UBE2F: variants seen among roughly 807,000 people sequenced by gnomAD.
The protein encoded by UBE2F is ubiquitin conjugating enzyme E2 F (putative).
In UBE2F, 5 loss-of-function variants were observed where a neutral mutation model predicts 29.6. That is an observed-to-expected ratio of 0.17 (90% confidence interval 0.09 to 0.36). The LOEUF is 0.36. Among genes scored for constraint, UBE2F ranks in the 10% least tolerant of loss-of-function variants. The pLI, the probability that UBE2F is intolerant of heterozygous loss-of-function variation, is 1.00. For missense variants in UBE2F, 141 were observed against 228.5 expected (o/e 0.62, Z 2.47); for synonymous variants, 66 against 81.8 (o/e 0.81, Z 1.04).
intron 4 of UBE2F, among the ~76,000 whole-genome samples, chr2:238,001,033 CTT>C (rs371184007): frequency 2.7e-5 from 3 of 111,820 alleles, no homozygotes; most frequent in South Asian, 2.8e-4. Context: ...AGAGTTTTGC[CTT>C]TTTTTTTTTT....
chr2:237,980,108 T>C (rs1159145669), intron 2 of UBE2F, among the ~76,000 whole-genome samples: 5 of 152,258 alleles, frequency 3.3e-5, no homozygotes, highest in Non-Finnish European at 5.9e-5. Flanking sequence ...TAGAAATCTG[T>C]GAGGCAGTGC....
chr2:238,022,400 G>C (rs974362132), intron 5 of UBE2F, among the ~76,000 whole-genome samples: 3 of 152,016 alleles, frequency 2.0e-5, no homozygotes, highest in Non-Finnish European at 2.9e-5. Flanking sequence ...TTTTCTTCTA[G>C]ATTTACTAGA....
At chr2:237,973,455 G>A (rs116701920) in intron 2 of UBE2F, among the ~76,000 whole-genome samples, 2,981 of 152,300 alleles carry the variant, frequency 0.02, 95 homozygotes, top group African/African-American at 0.068. Flanking sequence ...TTATACACTT[G>A]GGATGTTCTT....
chr2:237,969,784 T>C (rs2106318060), intron 1 of UBE2F, among the ~76,000 whole-genome samples: 1 of 152,266 alleles, frequency 6.6e-6, no homozygotes, highest in African/African-American at 2.4e-5. Flanking sequence ...CTCTAGATGG[T>C]GCTGCTGTCT....
intron 1 of UBE2F, among the ~76,000 whole-genome samples, chr2:237,971,854 A>AT (rs1366812948): frequency 1.3e-5 from 2 of 152,216 alleles, no homozygotes; most frequent in East Asian, 3.8e-4. Flanking sequence ...GATGTTGGTA[A>AT]TAGGGGAAGG....
chr2:238,022,592 G>T (rs2064322441), intron 5 of UBE2F, among the ~76,000 whole-genome samples: 2 of 152,064 alleles, frequency 1.3e-5, no homozygotes, highest in Admixed American at 1.3e-4. Flanking sequence ...CCCCAAGATG[G>T]TCATCTACAT....
chr2:237,976,491 A>G (rs2063284183), intron 2 of UBE2F, among the ~76,000 whole-genome samples: 1 of 152,236 alleles, frequency 6.6e-6, no homozygotes, highest in Non-Finnish European at 1.5e-5. Context: ...TGGGTAATTT[A>G]TAAACAATAG....
intron 6 of UBE2F, among the ~76,000 whole-genome samples, chr2:238,026,685 G>C (rs1227727278): frequency 1.3e-5 from 2 of 152,040 alleles, no homozygotes; most frequent in Admixed American, 1.3e-4. Context: ...TGCCCGCCTC[G>C]GCCTCCTAGA....
At position 237,967,146 on chromosome 2, in the gene UBE2F, G is replaced by T; in HGVS notation, c.-17+14G>T. On this transcript the variant is annotated intron_variant, in intron 1 of 9. Coordinates refer to ENST00000272930, the MANE Select transcript of UBE2F (RefSeq NM_080678.3). This position sits in a 1 kb window ranked among gnomAD's most constrained non-coding sequence, Gnocchi z 6.3. ...CGGGGAGCCCAGGTGAGGAGCGACCGTGCGGCTCTGCGGCGGGGCGAGGTG... is the reference window on the plus strand; with the variant it reads ...CGGGGAGCCCAGGTGAGGAGCGACCTTGCGGCTCTGCGGCGGGGCGAGGTG... The T allele has an allele frequency of 8.0e-7, 1 of 1,253,288 alleles. No homozygotes were observed. The highest frequency in any genetic ancestry group is 2.6e-5 in the South Asian group (1 of 38,922). The allele number at this position is 1,253,288 out of a possible 1,614,324, so 77.6% of individuals were successfully genotyped here.
intron 5 of UBE2F, among the ~76,000 whole-genome samples, chr2:238,024,052 G>T (rs2064356718): frequency 6.6e-6 from 1 of 152,104 alleles, no homozygotes; most frequent in African/African-American, 2.4e-5. Context: ...CTGAAACGAT[G>T]GCAGAAATAA....
In UBE2F at chr2:237,985,270, A is replaced by G. The variant is rs2063458673; in HGVS notation, c.119-2693A>G. Among the ~76,000 whole-genome samples, 3 of 152,222 alleles carry G rather than the reference A, an allele frequency of 2.0e-5. No individual in the cohort carries two copies. The South Asian group carries it at 6.2e-4, about 32-fold the overall frequency. ...TACTCTGTTGGCAAATTTCCAGCAT[A>G]TAAAACAATATTATGAACTATAGTC... On this transcript the variant is annotated intron_variant, in intron 2 of 9. Transcript: ENST00000272930.
chr2:237,999,820 CT>C (rs3054481), intron 4 of UBE2F, among the ~76,000 whole-genome samples: 60 of 119,878 alleles, frequency 5.0e-4, no homozygotes, highest in South Asian at 1.3e-3. Flanking sequence ...TGATGTTGTT[CT>C]TTTTTTTTTT....
chr2:237,967,016 T>C lies in UBE2F; in HGVS notation c.-133T>C. ...AGCGGCCGAGTCCCCGCCCCGCCAC[T>C]TCCGGTCCCGCCGCCGGGAGCCGGT... On this transcript the variant is annotated 5_prime_UTR_variant, in exon 1 of 10. Transcript: ENST00000272930. The surrounding 1 kb of genome is among the most constrained non-coding windows in gnomAD (Gnocchi z 6.3). 1.6e-6 allele frequency: 2 copies of C among 1,253,078 alleles called. No individual in the cohort carries two copies. The highest frequency in any genetic ancestry group is 2.0e-6 in the Non-Finnish European group (2 of 988,220). 77.6% of individuals were successfully genotyped at this position (1,253,078 alleles called of 1,614,324 possible).
chr2:238,020,262 A>T lies in UBE2F; in HGVS notation c.282+3629A>T, dbSNP rs564123418. Among the ~76,000 whole-genome samples the T allele has an allele frequency of 2.0e-3, 299 of 152,300 alleles. 1 individual carries two copies. Among genetic ancestry groups the T allele is most frequent in the African/African-American group, 7.1e-3 (294 of 41,560 alleles). On this transcript the variant is annotated intron_variant, in intron 5 of 9. Coordinates refer to ENST00000272930, the MANE Select transcript of UBE2F (RefSeq NM_080678.3). ...GCCTGCCATGCTAGGCAAAAACACA[A>T]ATTGTTCAGTGGTTGCCCCTCTCTC...
intron 9 of UBE2F, among the ~76,000 whole-genome samples, chr2:238,038,396 T>C (rs777080324): frequency 6.6e-6 from 1 of 152,014 alleles, no homozygotes; most frequent in Non-Finnish European, 1.5e-5. Context: ...GATGGGCTTG[T>C]GTTGTCTGGT....
intron 2 of UBE2F, chr2:237,986,215 TC>T: frequency 3.0e-6 from 1 of 336,460 alleles, no homozygotes; most frequent in South Asian, 2.3e-5. Context: ...AGTGGTGTGG[TC>T]CCGGCTTACT....
In UBE2F at chr2:237,972,555, T is replaced by A. The variant is rs1437722416; in HGVS notation, c.-16-537T>A. On this transcript the variant is annotated intron_variant, in intron 1 of 9. Transcript: ENST00000272930. The stretch of plus-strand genomic sequence containing the variant: ...TTTAATTTTAAATTTTTTTTTTTTT[T>A]TTTTTTTTTTTTTGAGACAGGGTCT... 1.9e-3 allele frequency among the ~76,000 whole-genome samples: 272 copies of A among 145,952 alleles called. 2 individuals carry two copies. The highest frequency in any genetic ancestry group is 6.2e-3 in the African/African-American group (248 of 39,880).
At chr2:238,035,642 C>T (rs763138378) in intron 8 of UBE2F, 4 of 466,290 alleles carry the variant, frequency 8.6e-6, no homozygotes, top group Non-Finnish European at 1.5e-5. Context: ...TGTAGAACTA[C>T]ATGTCAACAT....
At chr2:238,013,943 G>T (rs7592267) in intron 4 of UBE2F, among the ~76,000 whole-genome samples, 44,882 of 152,072 alleles carry the variant, frequency 0.3, 8,240 homozygotes, top group Admixed American at 0.41. Context: ...CATAGAATTG[G>T]CCTGTCCTGG....
Sources: gnomAD v4.1 joint callset for allele counts (sites outside exome capture counted in the v4.1 genomes callset) on GRCh38, gnomAD v4.1.1 for gene constraint, Gnocchi (gnomAD v3.1) non-coding constraint, MANE v1.5 for transcripts, NCBI Gene and HGNC (gene_info 2026-07-23, HGNC 2026-07-21) for gene names.